Variants in DLGAP1 observed in about 807,000 individuals in gnomAD.
DLGAP1 encodes the protein disks large-associated protein 1.
DLGAP1 carries 11 observed loss-of-function variants against 90.8 expected under a neutral mutation model. That is an observed-to-expected ratio of 0.12 (90% CI 0.08 to 0.20). DLGAP1 has a LOEUF of 0.20. DLGAP1 is among the 10% of genes least tolerant of loss of function. The pLI is 1.00. For missense variants in DLGAP1, 1,050 were observed against 1,333.8 expected (o/e 0.79, Z 3.31); for synonymous variants, 558 against 540.7 (o/e 1.03, Z -0.44).
intron 5 of DLGAP1, among the ~76,000 whole-genome samples, chr18:3,760,865 A>G (rs2063933464): frequency 6.6e-6 from 1 of 152,218 alleles, no homozygotes; most frequent in Non-Finnish European, 1.5e-5. Flanking sequence ...ATAGTTTTAC[A>G]GCGGGAAGTT....
intron 1 of DLGAP1, among the ~76,000 whole-genome samples, chr18:4,275,925 C>T (rs2079402110): frequency 6.6e-6 from 1 of 151,960 alleles, no homozygotes; most frequent in Admixed American, 6.6e-5. Flanking sequence ...GCTCAAATAT[C>T]AGAAAGTTAT....
At chr18:3,976,440 GA>G (rs990527674) in intron 3 of DLGAP1, among the ~76,000 whole-genome samples, 1 of 151,688 alleles carries the variant, frequency 6.6e-6, no homozygotes, top group Non-Finnish European at 1.5e-5. Flanking sequence ...ATAGAGAATA[GA>G]AAAAATGAAA....
At chr18:3,871,678 A>G (rs1445217145) in intron 4 of DLGAP1, among the ~76,000 whole-genome samples, 1 of 152,230 alleles carries the variant, frequency 6.6e-6, no homozygotes, top group Admixed American at 6.5e-5. Flanking sequence ...AAAGCACAGT[A>G]ATGAATTTTC....
chr18:3,991,022 A>G (rs1019378216), intron 3 of DLGAP1, among the ~76,000 whole-genome samples: 2 of 152,142 alleles, frequency 1.3e-5, no homozygotes, highest in Admixed American at 6.5e-5. Flanking sequence ...CAAGGGGTAC[A>G]TGAGCAGGTT....
intron 3 of DLGAP1, among the ~76,000 whole-genome samples, chr18:3,893,249 C>G (rs1276949772): frequency 6.6e-6 from 1 of 152,032 alleles, no homozygotes; most frequent in Non-Finnish European, 1.5e-5. Context: ...TATGGCTAAG[C>G]AGTATGCCAT....
At chr18:3,861,053 C>A (rs929306415) in intron 4 of DLGAP1, among the ~76,000 whole-genome samples, 1 of 152,172 alleles carries the variant, frequency 6.6e-6, no homozygotes, top group South Asian at 2.1e-4. Context: ...GGACTATAAA[C>A]TTTTTCAGAG....
At chr18:3,812,071 TGGA>T (rs1280636235) in intron 5 of DLGAP1, among the ~76,000 whole-genome samples, 1 of 152,130 alleles carries the variant, frequency 6.6e-6, no homozygotes, top group Non-Finnish European at 1.5e-5. Flanking sequence ...ACTTAGGAGG[TGGA>T]AAGGACTCTG....
chr18:3,907,836 G>A (rs1158759331), intron 3 of DLGAP1, among the ~76,000 whole-genome samples: 1 of 152,176 alleles, frequency 6.6e-6, no homozygotes. Flanking sequence ...AGGCTGTGAG[G>A]ACGTAACCCA....
rs951573873 is a variant in DLGAP1, at chr18:3,627,345, G to A, written c.1592-45097C>T. On this transcript the variant is annotated intron_variant, in intron 7 of 12. Coordinates refer to ENST00000315677, the MANE Select transcript of DLGAP1 (RefSeq NM_004746.4). ...TTTATAGGCTTCTGAGCTCAGGGAA[G>A]GCACTGACCGAGTCCCAGGCAGGCA... is the stretch of plus-strand genomic sequence containing the variant. 2.7e-5 allele frequency among the ~76,000 whole-genome samples: 4 copies of A among 150,614 alleles called. No individual in the cohort carries two copies. The East Asian group carries it at 7.7e-4, about 29-fold the overall frequency.
chr18:3,874,034 A>T (rs2070909982), intron 4 of DLGAP1: 1 of 1,494,070 alleles, frequency 6.7e-7, no homozygotes, highest in Admixed American at 2.2e-5. Flanking sequence ...CTTTCTAGCC[A>T]TTATTTAGAG....
chr18:3,649,663 C>G (rs541124410), intron 7 of DLGAP1, among the ~76,000 whole-genome samples: 122 of 152,286 alleles, frequency 8.0e-4, no homozygotes, highest in Non-Finnish European at 1.5e-3. Flanking sequence ...TTGCCAGACC[C>G]TTCCAGCCAC....
chr18:3,984,363 A>G (rs1321639720), intron 3 of DLGAP1: 1 of 152,268 alleles, frequency 6.6e-6, no homozygotes, highest in East Asian at 1.9e-4. Context: ...TATCACCTCA[A>G]TTACCCCAAG....
chr18:4,253,897 TTGTA>T (rs1446700947), intron 1 of DLGAP1, among the ~76,000 whole-genome samples: 1 of 152,108 alleles, frequency 6.6e-6, no homozygotes, highest in African/African-American at 2.4e-5. Flanking sequence ...TATTTGTACT[TTGTA>T]TGTTGTTTCT....
At chr18:4,279,265 TAA>T (rs2079493192) in intron 1 of DLGAP1, among the ~76,000 whole-genome samples, 1 of 151,760 alleles carries the variant, frequency 6.6e-6, no homozygotes, top group African/African-American at 2.4e-5. Flanking sequence ...AAGTGCATTC[TAA>T]AATAGAAATC....
chr18:4,328,367 A>G (rs947512635), intron 1 of DLGAP1, among the ~76,000 whole-genome samples: 2 of 151,968 alleles, frequency 1.3e-5, no homozygotes, highest in Admixed American at 6.6e-5. Flanking sequence ...ATGTTGTTGT[A>G]TGAGTCAATA....
intron 1 of DLGAP1, among the ~76,000 whole-genome samples, chr18:4,322,943 G>A (rs1485364131): frequency 3.4e-4 from 33 of 97,614 alleles, no homozygotes; most frequent in East Asian, 6.0e-4. Flanking sequence ...CCTGGGCACA[G>A]AAAAAAAAAA....
intron 1 of DLGAP1, among the ~76,000 whole-genome samples, chr18:4,321,425 T>A (rs2080683456): frequency 6.6e-6 from 1 of 152,182 alleles, no homozygotes; most frequent in African/African-American, 2.4e-5. Context: ...ATGAGGGTAG[T>A]TTGTCATTTA....
intron 1 of DLGAP1, among the ~76,000 whole-genome samples, chr18:4,417,932 T>A (rs1351326496): frequency 6.6e-6 from 1 of 152,096 alleles, no homozygotes; most frequent in Non-Finnish European, 1.5e-5. Flanking sequence ...TAATCCACAG[T>A]GCTGCTTGGA....
chr18:3,553,730 C>T (rs2053602946), intron 9 of DLGAP1, among the ~76,000 whole-genome samples: 1 of 64,486 alleles, frequency 1.6e-5, no homozygotes, highest in African/African-American at 3.6e-5. Flanking sequence ...GACAGGGTTT[C>T]ACCATGTTGG....
Sources: allele counts gnomAD v4.1 joint callset (sites outside exome capture counted in the v4.1 genomes callset), GRCh38; gene constraint gnomAD v4.1.1; transcripts MANE v1.5; gene names NCBI Gene and HGNC (gene_info 2026-07-23, HGNC 2026-07-21).